The following SYNE2 variants were observed in gnomAD, a reference collection of about 807,000 sequenced individuals.
The protein encoded by SYNE2 is nesprin-2.
Under a neutral mutation model 856.3 loss-of-function variants are expected in SYNE2, and 431 were observed. The ratio of observed to expected loss-of-function variants is 0.50; its 90% CI spans 0.47 to 0.55. SYNE2 has a LOEUF of 0.55. Ranked by LOEUF, SYNE2 falls within the 20% of genes least tolerant of loss-of-function variation. SYNE2 has a pLI of 0.00. For missense variants in SYNE2, 8,129 were observed against 8,023.2 expected (o/e 1.01, Z -0.50); for synonymous variants, 2,923 against 2,872.3 (o/e 1.02, Z -0.56).
chr14:64,190,254 A>C lies in SYNE2; in HGVS notation c.18038+17A>C. On this transcript the variant is annotated intron_variant, in intron 99 of 115. Transcript: ENST00000555002. Reference sequence around the variant, plus strand: ...CGGATCAAGGTAAGAAATGGGCTAAAAATGATTACTCTCCAGGAACAGTAA... The same window carrying C: ...CGGATCAAGGTAAGAAATGGGCTAACAATGATTACTCTCCAGGAACAGTAA... 1 of 1,614,058 alleles carries C rather than the reference A, an allele frequency of 6.2e-7. No homozygotes were observed. Among genetic ancestry groups the C allele is most frequent in the Non-Finnish European group, 8.5e-7 (1 of 1,179,952 alleles).
chr14:63,880,131 C>G (rs2140594500), intron 1 of SYNE2, among the ~76,000 whole-genome samples: 1 of 152,106 alleles, frequency 6.6e-6, no homozygotes, highest in African/African-American at 2.4e-5. Flanking sequence ...TACTCTGTTG[C>G]CCAGACTGGA....
intron 52 of SYNE2, among the ~76,000 whole-genome samples, chr14:64,071,319 C>G (rs567176160): frequency 6.6e-6 from 1 of 151,706 alleles, no homozygotes; most frequent in Non-Finnish European, 1.5e-5. Context: ...GTGGTGAAAC[C>G]CCGTCTCTAC....
At chr14:63,928,915 T>G (rs80042153) in intron 2 of SYNE2, among the ~76,000 whole-genome samples, 4,740 of 152,276 alleles carry the variant, frequency 0.031, 260 homozygotes, top group African/African-American at 0.11. Flanking sequence ...AGCACATGCC[T>G]GTGACATAAT....
chr14:64,144,962 T>C lies in SYNE2; in HGVS notation c.15483+1014T>C, dbSNP rs968937313. Among the ~76,000 whole-genome samples, 7 of 143,880 alleles carry C rather than the reference T, an allele frequency of 4.9e-5. No individual in the cohort carries two copies. In the East Asian group the frequency reaches 1.1e-3, roughly 23 times the overall value. The allele number at this position is 143,880 out of a possible 152,430, so 94.4% of individuals were successfully genotyped here. A position where few individuals can be genotyped will look rare whatever the true frequency, so the allele number is the denominator to read the frequency against. ...TTTTTTTTGAGACAGAGTCTCGCCC[T>C]GTTGCCCAGGCTGGAGTGCAGTGGC... On this transcript the variant is annotated intron_variant, in intron 83 of 115. Transcript: ENST00000555002.
chr14:64,225,271 T>G, intron 115 of SYNE2, 48 bp from the exon 116 acceptor site: 1 of 1,614,028 alleles, frequency 6.2e-7, no homozygotes, highest in Non-Finnish European at 8.5e-7. Flanking sequence ...TAGAGTGGGT[T>G]GTGCCTGTGG....
chr14:63,956,565 G>C, intron 8 of SYNE2: 1 of 409,672 alleles, frequency 2.4e-6, no homozygotes, highest in Middle Eastern at 3.5e-4. Context: ...TTTATTAAGA[G>C]ATAATTCACA....
Position 63,913,983 on chromosome 14 carries a change from A to AT in SYNE2, c.79+4757dup, listed in dbSNP as rs1436842134. On this transcript the variant is annotated intron_variant, in intron 2 of 115. Coordinates refer to ENST00000555002, the MANE Select transcript of SYNE2 (RefSeq NM_182914.3). ...CTCCCAGAGTGCTGGGATTACAGGC[A>AT]TGAGCCACTGTGCCTGGCCATAAAT... Among the ~76,000 whole-genome samples, 4 of 152,046 alleles carry AT rather than the reference A, an allele frequency of 2.6e-5. No homozygotes were observed. The East Asian group carries it at 7.7e-4, about 29-fold the overall frequency.
rs769912217 is a variant in SYNE2, at chr14:64,065,643, G to A, written c.10424G>A (p.Ser3475Asn). The A allele has an allele frequency of 1.5e-5, 25 of 1,614,028 alleles. No homozygotes were observed. Among genetic ancestry groups the A allele is most frequent in the Non-Finnish European group, 2.0e-5 (24 of 1,180,018 alleles). ...EELKQEWKFV[S>N]EEIEREAIIL... ...CTGAAGCAGGAATGGAAATTTGTCA[G>A]TGAAGAAGTGAGTGCTTCATTTTCA... The change falls in exon 51 of 116, where the codon AGT becomes AAT. Residue 3475 changes from serine to asparagine, a missense_variant. Ser to Asn is a conservative substitution (Grantham distance 46). Transcript: ENST00000555002.
chr14:64,125,109 G>C lies in SYNE2; in HGVS notation c.13453G>C (p.Val4485Leu), dbSNP rs747590976. 3 of 1,614,146 alleles carry C rather than the reference G, an allele frequency of 1.9e-6. No individual in the cohort carries two copies. The highest frequency in any genetic ancestry group is 1.1e-5 in the South Asian group (1 of 91,078). Residue 4485 changes from valine to leucine, a missense_variant, in exon 71 of 116, where the codon GTG becomes CTG. This residue lies in a region of SYNE2 where 5,410 missense variants were observed against 5,284.8 expected (regional missense o/e 1.02). Transcript: ENST00000555002. ...VSTNMGILPS[V>L]TMYNFRYPTT... ...CACAAATATGGGTATTCTACCCAGCGTGACTATGTATAACTTTAGATACCC... is the reference window on the plus strand; with the variant it reads ...CACAAATATGGGTATTCTACCCAGCCTGACTATGTATAACTTTAGATACCC...
chr14:64,009,535 C>CAAA (rs67434536), intron 31 of SYNE2, among the ~76,000 whole-genome samples: 8 of 77,422 alleles, frequency 1.0e-4, no homozygotes, highest in Admixed American at 3.2e-4. Context: ...GACTCTGTCT[C>CAAA]AAAAAAAAAA....
chr14:64,093,708 G>A (rs2153630471), intron 61 of SYNE2, among the ~76,000 whole-genome samples: 1 of 152,280 alleles, frequency 6.6e-6, no homozygotes, highest in Admixed American at 6.5e-5. Flanking sequence ...TATAGCCCCT[G>A]ATGTTTGATC....
At chr14:63,821,276 A>G (rs1241692799) in intron 1 of SYNE2, among the ~76,000 whole-genome samples, 5 of 152,166 alleles carry the variant, frequency 3.3e-5, no homozygotes, top group Non-Finnish European at 7.3e-5. Context: ...AACATTTTGG[A>G]TCTATTAAAG....
chr14:63,882,249 G>A (rs2094881823), intron 1 of SYNE2, among the ~76,000 whole-genome samples: 1 of 152,116 alleles, frequency 6.6e-6, no homozygotes, highest in South Asian at 2.1e-4. Flanking sequence ...GAATTGGTGA[G>A]CAGCTAAAAT....
chr14:64,069,349 G>T (rs1338585729), intron 51 of SYNE2, among the ~76,000 whole-genome samples: 2 of 152,172 alleles, frequency 1.3e-5, no homozygotes, highest in Non-Finnish European at 1.5e-5. Context: ...CAAAGAACTA[G>T]GACTTCTAAT....
At position 64,003,317 on chromosome 14, in the gene SYNE2, G is replaced by T. The variant is rs769221527; in HGVS notation, c.4384G>T (p.Ala1462Ser). ...KIGLKDPTVP[A>S]VKHRKKSLIR... The stretch of plus-strand genomic sequence containing the variant: ...TGGTCTTAAGGATCCTACTGTTCCA[G>T]CTGTGAAACATCGGTAAGTATTGTC... Residue 1462 changes from alanine (A) to serine (S), a missense_variant, in exon 30 of 116, where the codon GCT (alanine) becomes TCT (serine). Physicochemically the swap from Ala to Ser is moderately conservative, Grantham distance 99. Around this residue, in one of 3 missense-constraint regions of SYNE2, gnomAD observed 2,422 missense variants for 2,357.4 expected, o/e 1.03. Transcript: ENST00000555002. The T allele has an allele frequency of 2.3e-5, 37 of 1,613,954 alleles. No homozygotes were observed. In the South Asian group the frequency reaches 3.5e-4, roughly 15 times the overall value.
chr14:64,009,556 AAAAGAG>A (rs1287253692), intron 31 of SYNE2, among the ~76,000 whole-genome samples: 2 of 151,244 alleles, frequency 1.3e-5, no homozygotes, highest in Non-Finnish European at 2.9e-5. Flanking sequence ...AAAAAAAAAA[AAAAGAG>A]AATAGATATA....
intron 99 of SYNE2, among the ~76,000 whole-genome samples, chr14:64,191,321 T>C (rs2098517825): frequency 6.6e-6 from 1 of 151,974 alleles, no homozygotes; most frequent in South Asian, 2.1e-4. Context: ...AGGAAGTAAG[T>C]TGAGTCAGTT....
chr14:63,988,813 CT>C (rs2096645210), intron 19 of SYNE2, among the ~76,000 whole-genome samples: 1 of 152,150 alleles, frequency 6.6e-6, no homozygotes, highest in South Asian at 2.1e-4. Flanking sequence ...ATCATCAGAT[CT>C]CGTGAAACTT....
chr14:64,170,528 C>G, intron 94 of SYNE2, 66 bp downstream of exon 94: 1 of 1,467,386 alleles, frequency 6.8e-7, no homozygotes, highest in Non-Finnish European at 9.3e-7. Context: ...TGTTCATTCA[C>G]CTTTGGTTTA....
Sources: gnomAD v4.1 joint callset for allele counts (sites outside exome capture counted in the v4.1 genomes callset) on GRCh38, gnomAD v4.1.1 for gene constraint, gnomAD v4.1.1 regional missense constraint, MANE v1.5 for transcripts, NCBI Gene and HGNC (gene_info 2026-07-23, HGNC 2026-07-21) for gene names.